The following SNTG2 variants were observed in gnomAD, a reference collection of about 807,000 sequenced individuals.
SNTG2 encodes the protein syntrophin gamma 2, also known as gamma-2-syntrophin.
Under a neutral mutation model 70.9 loss-of-function variants are expected in SNTG2, and 74 were observed. The observed-to-expected ratio is 1.04, with a 90% CI of 0.86 to 1.27. The LOEUF (loss-of-function observed/expected upper bound fraction) is 1.27, where lower values mean the gene tolerates loss of function less well. Ranked by LOEUF, SNTG2 falls within the 50% of genes most tolerant of loss-of-function variation. The pLI is 0.00. For synonymous variants in SNTG2, 278 were observed against 273.8 expected (o/e 1.02, Z -0.15); for missense variants, 717 against 690.7 (o/e 1.04, Z -0.43).
chr2:1,273,902 A>C (rs981749292), intron 14 of SNTG2, among the ~76,000 whole-genome samples: 1 of 152,184 alleles, frequency 6.6e-6, no homozygotes, highest in Non-Finnish European at 1.5e-5. Flanking sequence ...TGCAAGGCAT[A>C]TAACTGGCAA....
intron 1 of SNTG2, among the ~76,000 whole-genome samples, chr2:986,109 G>GAGAT (rs1487484572): frequency 2.8e-5 from 4 of 143,854 alleles, no homozygotes; most frequent in Admixed American, 2.8e-4. Context: ...GAGAGAGAGA[G>GAGAT]ATCAGAGGAT....
intron 16 of SNTG2, among the ~76,000 whole-genome samples, chr2:1,328,133 A>G (rs1681831322): frequency 6.6e-6 from 1 of 152,118 alleles, no homozygotes; most frequent in Admixed American, 6.5e-5. Context: ...GAACAGCACT[A>G]GGGGGATGGT....
chr2:1,083,802 A>G, intron 2 of SNTG2, 147 bp downstream of exon 2: 2 of 875,242 alleles, frequency 2.3e-6, no homozygotes, highest in Admixed American at 2.6e-5. Context: ...TCACTGTGTC[A>G]CAAAATACAG....
chr2:1,111,481 C>G (rs1666437376), intron 4 of SNTG2, among the ~76,000 whole-genome samples: 1 of 152,186 alleles, frequency 6.6e-6, no homozygotes, highest in Non-Finnish European at 1.5e-5. Context: ...TAGAAAGTGC[C>G]TGAAGAACAA....
intron 1 of SNTG2, among the ~76,000 whole-genome samples, chr2:1,076,843 G>A (rs1055853586): frequency 3.9e-5 from 6 of 152,002 alleles, no homozygotes; most frequent in South Asian, 2.1e-4. Flanking sequence ...AATAAATAAT[G>A]CATTTTCATA....
intron 14 of SNTG2, among the ~76,000 whole-genome samples, chr2:1,268,339 A>G (rs1415894147): frequency 6.6e-6 from 1 of 152,152 alleles, no homozygotes; most frequent in Non-Finnish European, 1.5e-5. Flanking sequence ...AAATATACAT[A>G]TATACCTTGA....
chr2:1,219,615 A>G (rs1412375277), intron 9 of SNTG2, among the ~76,000 whole-genome samples: 1 of 151,256 alleles, frequency 6.6e-6, no homozygotes, highest in African/African-American at 2.4e-5. Flanking sequence ...CTCTTGTTTT[A>G]GGCAGGCCTC....
chr2:1,164,062 A>C (rs1322240527), intron 6 of SNTG2, among the ~76,000 whole-genome samples: 1 of 152,220 alleles, frequency 6.6e-6, no homozygotes, highest in Non-Finnish European at 1.5e-5. Context: ...TGAGGAGGAA[A>C]GATCAGAGGG....
At chr2:1,118,663 G>GAA (rs55918129) in intron 4 of SNTG2, among the ~76,000 whole-genome samples, 45 of 150,260 alleles carry the variant, frequency 3.0e-4, no homozygotes, top group East Asian at 2.6e-3. Flanking sequence ...TTAAGCAGCA[G>GAA]AAAAAAAAAA....
chr2:1,235,156 T>C (rs888995392), intron 9 of SNTG2, among the ~76,000 whole-genome samples: 4 of 150,074 alleles, frequency 2.7e-5, no homozygotes, highest in Non-Finnish European at 5.9e-5. Flanking sequence ...GCACCCCCGA[T>C]TCATGAGAGG....
chr2:1,142,750 C>T lies in SNTG2; in HGVS notation c.411+4941C>T, dbSNP rs993829614. Among the ~76,000 whole-genome samples, 9 of 152,150 alleles carry T rather than the reference C, an allele frequency of 5.9e-5. 1 individual carries two copies. Among genetic ancestry groups the T allele is most frequent in the African/African-American group, 2.2e-4 (9 of 41,432 alleles). ...CTCTACTCATTCAATTCAGAATCTC[C>T]AGTCATTCAATCCAGAATCTCTAGT... On this transcript the variant is annotated intron_variant, in intron 6 of 16. Transcript: ENST00000308624.
chr2:1,233,974 A>T (rs548236135), intron 9 of SNTG2, among the ~76,000 whole-genome samples: 2 of 151,868 alleles, frequency 1.3e-5, no homozygotes, highest in East Asian at 3.9e-4. Flanking sequence ...CTACAATCTC[A>T]TGTGTGTCCA....
intron 14 of SNTG2, among the ~76,000 whole-genome samples, chr2:1,283,817 G>A (rs1404831995): frequency 6.6e-6 from 1 of 152,172 alleles, no homozygotes. Context: ...ATTAAAGCGA[G>A]TCTTGGGCAT....
intron 4 of SNTG2, among the ~76,000 whole-genome samples, chr2:1,125,260 A>G (rs528084959): frequency 2.2e-4 from 33 of 152,322 alleles, no homozygotes; most frequent in East Asian, 1.5e-3. Flanking sequence ...CTTGCATAGC[A>G]TATTTATTTC....
intron 16 of SNTG2, among the ~76,000 whole-genome samples, chr2:1,322,147 G>A (rs1053811833): frequency 5.3e-5 from 8 of 152,180 alleles, no homozygotes; most frequent in Admixed American, 1.3e-4. Context: ...AAAAAATATA[G>A]TTGAATCAAA....
intron 12 of SNTG2, among the ~76,000 whole-genome samples, chr2:1,252,739 T>G (rs1677838662): frequency 6.6e-6 from 1 of 152,098 alleles, no homozygotes. Flanking sequence ...AATCAACCCC[T>G]CATATTTGCA....
chr2:993,991 T>C (rs1249625268), intron 1 of SNTG2, among the ~76,000 whole-genome samples: 1 of 152,092 alleles, frequency 6.6e-6, no homozygotes, highest in African/African-American at 2.4e-5. Context: ...AAGTTTTATA[T>C]TTTGATGAAG....
intron 14 of SNTG2, among the ~76,000 whole-genome samples, chr2:1,297,378 T>C (rs573938886): frequency 6.6e-6 from 1 of 152,362 alleles, no homozygotes; most frequent in Non-Finnish European, 1.5e-5. Context: ...ACTTTGCACA[T>C]CTCCATTAAA....
At chr2:1,054,194 G>A (rs1442167710) in intron 1 of SNTG2, among the ~76,000 whole-genome samples, 1 of 152,000 alleles carries the variant, frequency 6.6e-6, no homozygotes, top group Non-Finnish European at 1.5e-5. Context: ...GTGCGGCTCG[G>A]GGGTGTTCTG....
Sources: allele counts gnomAD v4.1 joint callset (sites outside exome capture counted in the v4.1 genomes callset), GRCh38; gene constraint gnomAD v4.1.1; transcripts MANE v1.5; gene names NCBI Gene and HGNC (gene_info 2026-07-23, HGNC 2026-07-21).